Variants in CTNNA2 observed in about 807,000 individuals in gnomAD.
CTNNA2 encodes the protein catenin alpha 2, also known as catenin alpha-2.
In CTNNA2, 42 loss-of-function variants were observed where a neutral mutation model predicts 101.0. That is an observed-to-expected ratio of 0.42 (90% CI 0.32 to 0.54). CTNNA2 has a LOEUF of 0.54. Ranked by LOEUF, CTNNA2 falls within the 20% of genes least tolerant of loss-of-function variation. The pLI, the probability that CTNNA2 is intolerant of heterozygous loss-of-function variation, is 0.14. For missense variants in CTNNA2, 871 were observed against 1,223.1 expected, an observed-to-expected ratio of 0.71 and a Z score of 4.29; for synonymous variants, 450 against 456.4, an observed-to-expected ratio of 0.99 and a Z score of 0.18.
At chr2:79,651,759 A>T in intron 2 of CTNNA2, 101 bp downstream of exon 2, 1 of 961,848 alleles carries the variant, frequency 1.0e-6, no homozygotes, top group Non-Finnish European at 1.6e-6. Flanking sequence ...AGAATAAATC[A>T]TGCCATGATT....
chr2:79,726,186 T>A (rs1056752769), intron 2 of CTNNA2, among the ~76,000 whole-genome samples: 2 of 151,680 alleles, frequency 1.3e-5, no homozygotes, highest in African/African-American at 4.9e-5. Context: ...AATTTCATGT[T>A]CACATCTACA....
intron 7 of CTNNA2, among the ~76,000 whole-genome samples, chr2:79,987,657 CCTT>C (rs1390429609): frequency 6.6e-6 from 1 of 152,258 alleles, no homozygotes; most frequent in East Asian, 1.9e-4. Context: ...CTTTATATGT[CCTT>C]CTCCCTATTC....
intron 7 of CTNNA2, among the ~76,000 whole-genome samples, chr2:80,066,352 A>G (rs1205697089): frequency 6.6e-6 from 1 of 152,200 alleles, no homozygotes; most frequent in Non-Finnish European, 1.5e-5. Context: ...TACCTAAAAT[A>G]TAAAAGAAAT....
chr2:80,282,960 C>T (rs184838124), intron 7 of CTNNA2, among the ~76,000 whole-genome samples: 105 of 151,906 alleles, frequency 6.9e-4, no homozygotes, highest in Non-Finnish European at 1.2e-3. Context: ...GCTAGTGGAT[C>T]CTCAAGGTAA....
chr2:79,749,047 G>GC (rs1265698013), intron 3 of CTNNA2, among the ~76,000 whole-genome samples: 1 of 152,124 alleles, frequency 6.6e-6, no homozygotes, highest in Non-Finnish European at 1.5e-5. Context: ...TTTGTGAAAG[G>GC]CATGCAGTTC....
rs573121415 is a variant in CTNNA2 at position 79,277,327 on chromosome 2, C to T, written c.-405-35382C>T. Among the ~76,000 whole-genome samples the T allele has an allele frequency of 2.4e-4, 37 of 152,154 alleles. No individual in the cohort carries two copies. The South Asian group carries it at 4.8e-3, about 20-fold the overall frequency. On this transcript the variant is annotated intron_variant, in intron 2 of 21. Coordinates refer to the CTNNA2 transcript ENST00000466387. ...TCTGGCTTGCCTCTGTGAATCCACA[C>T]GGCTGATCGAATCTCTGCCTCATTG...
intron 7 of CTNNA2, among the ~76,000 whole-genome samples, chr2:80,190,325 C>A (rs1303107693): frequency 6.6e-6 from 1 of 152,052 alleles, no homozygotes; most frequent in African/African-American, 2.4e-5. Flanking sequence ...CAGGCTGGAC[C>A]AGATAACCGC....
intron 7 of CTNNA2, among the ~76,000 whole-genome samples, chr2:80,010,012 T>C (rs1199760023): frequency 2.6e-5 from 4 of 152,198 alleles, no homozygotes; most frequent in African/African-American, 4.8e-5. Context: ...AATTGCCACC[T>C]ACCTCCAATA....
intron 7 of CTNNA2, among the ~76,000 whole-genome samples, chr2:79,920,462 G>A (rs189671120): frequency 6.6e-6 from 1 of 152,344 alleles, no homozygotes; most frequent in East Asian, 1.9e-4. Flanking sequence ...AGTATCTGGT[G>A]TATTTGGCCT....
chr2:79,902,290 A>T (rs991440967), intron 6 of CTNNA2, among the ~76,000 whole-genome samples: 2 of 152,154 alleles, frequency 1.3e-5, no homozygotes, highest in Non-Finnish European at 2.9e-5. Context: ...CACGCATCCC[A>T]ATTCCAGCCC....
At chr2:79,750,538 A>G (rs1024621379) in intron 3 of CTNNA2, among the ~76,000 whole-genome samples, 5 of 152,214 alleles carry the variant, frequency 3.3e-5, no homozygotes, top group African/African-American at 1.2e-4. Flanking sequence ...GTCATTATAC[A>G]AGGTTTATGA....
intron 7 of CTNNA2, among the ~76,000 whole-genome samples, chr2:80,113,593 A>G (rs1322276441): frequency 6.6e-6 from 1 of 152,180 alleles, no homozygotes; most frequent in East Asian, 1.9e-4. Flanking sequence ...TTGTTTACTT[A>G]TTGTTTATGG....
chr2:79,569,029 G>A (rs2033337), intron 1 of CTNNA2, among the ~76,000 whole-genome samples: 11,996 of 152,076 alleles, frequency 0.079, 642 homozygotes, highest in Non-Finnish European at 0.12. Context: ...GCAAGACCCC[G>A]TCTCAAAAAA....
chr2:80,028,827 T>A (rs2104172663), intron 7 of CTNNA2, among the ~76,000 whole-genome samples: 1 of 152,272 alleles, frequency 6.6e-6, no homozygotes, highest in Admixed American at 6.5e-5. Context: ...CCTCTAGAAG[T>A]GCAAAAGATA....
chr2:80,527,799 A>G (rs1177559726), intron 9 of CTNNA2, among the ~76,000 whole-genome samples: 1 of 152,196 alleles, frequency 6.6e-6, no homozygotes, highest in Non-Finnish European at 1.5e-5. Context: ...CTCTAACTGA[A>G]TTTAAAGTAA....
At chr2:79,690,075 G>C in intron 2 of CTNNA2, among the ~76,000 whole-genome samples, 1 of 151,834 alleles carries the variant, frequency 6.6e-6, no homozygotes, top group Non-Finnish European at 1.5e-5. Context: ...TCTGATGAAA[G>C]CCATTAAGCC....
At chr2:80,222,731 C>T (rs779966706) in intron 7 of CTNNA2, among the ~76,000 whole-genome samples, 1 of 152,176 alleles carries the variant, frequency 6.6e-6, no homozygotes, top group Non-Finnish European at 1.5e-5. Context: ...ATAAAGCTTA[C>T]GTTCCCTATC....
chr2:79,629,121 A>G (rs1679517548), intron 1 of CTNNA2, among the ~76,000 whole-genome samples: 1 of 152,140 alleles, frequency 6.6e-6, no homozygotes, highest in African/African-American at 2.4e-5. Context: ...CCCCTATGCC[A>G]GCCATATTGG....
At chr2:79,395,786 T>A (rs974597056) in intron 4 of CTNNA2, among the ~76,000 whole-genome samples, 2 of 152,142 alleles carry the variant, frequency 1.3e-5, no homozygotes, top group Non-Finnish European at 2.9e-5. Flanking sequence ...AATCAAGAGC[T>A]TGATATGTTT....
Sources: allele counts gnomAD v4.1 joint callset (sites outside exome capture counted in the v4.1 genomes callset), GRCh38; gene constraint gnomAD v4.1.1; transcripts MANE v1.5; gene names NCBI Gene and HGNC (gene_info 2026-07-23, HGNC 2026-07-21).